Variants in AGBL1 observed in about 807,000 individuals in gnomAD.
AGBL1 encodes cytosolic carboxypeptidase 4.
AGBL1 carries 130 observed loss-of-function variants against 118.9 expected under a neutral mutation model. The ratio of observed to expected loss-of-function variants is 1.09; its 90% CI spans 0.95 to 1.26. The LOEUF is 1.26. Ranked by LOEUF, AGBL1 falls within the 50% of genes most tolerant of loss-of-function variation. AGBL1 has a pLI of 0.00. For synonymous variants in AGBL1, 555 were observed against 478.9 expected, an observed-to-expected ratio of 1.16 and a Z score of -2.08; for missense variants, 1,584 against 1,298.1, an observed-to-expected ratio of 1.22 and a Z score of -3.38.
intron 18 of AGBL1, among the ~76,000 whole-genome samples, chr15:86,495,316 G>A (rs1048123996): frequency 1.5e-4 from 23 of 149,928 alleles, no homozygotes; most frequent in African/African-American, 5.1e-4. Flanking sequence ...AAAACAAAAC[G>A]AAACTCTAAT....
chr15:86,384,982 G>A (rs186832090), intron 17 of AGBL1, among the ~76,000 whole-genome samples: 3 of 152,276 alleles, frequency 2.0e-5, no homozygotes, highest in Admixed American at 6.5e-5. Context: ...ACTATTCAGC[G>A]TGGTGAGGGG....
At chr15:86,808,097 G>A (rs770423241) in intron 22 of AGBL1, among the ~76,000 whole-genome samples, 6 of 152,084 alleles carry the variant, frequency 3.9e-5, no homozygotes, top group Non-Finnish European at 7.4e-5. Flanking sequence ...TATTAGATGT[G>A]ATTTCCCTCC....
intron 21 of AGBL1, among the ~76,000 whole-genome samples, chr15:86,640,329 A>G (rs1272815102): frequency 1.3e-5 from 2 of 152,200 alleles, no homozygotes; most frequent in East Asian, 1.9e-4. Context: ...TGTTACTTAC[A>G]CTTTCTGATT....
intron 5 of AGBL1, among the ~76,000 whole-genome samples, chr15:86,174,114 T>C (rs1167800866): frequency 6.6e-6 from 1 of 152,140 alleles, no homozygotes; most frequent in Non-Finnish European, 1.5e-5. Flanking sequence ...GTTTGTGTCC[T>C]TTTCAATTTC....
intron 17 of AGBL1, among the ~76,000 whole-genome samples, chr15:86,395,134 C>T (rs1046030149): frequency 6.6e-6 from 1 of 152,082 alleles, no homozygotes; most frequent in Non-Finnish European, 1.5e-5. Context: ...TTGAGAATGT[C>T]TGATCTACAG....
chr15:86,854,988 T>C (rs552330675), intron 22 of AGBL1, among the ~76,000 whole-genome samples: 1 of 152,296 alleles, frequency 6.6e-6, no homozygotes, highest in African/African-American at 2.4e-5. Flanking sequence ...CCTAGTTTAG[T>C]GGCCCATCTG....
chr15:86,298,550 T>A (rs2079694750), intron 17 of AGBL1, among the ~76,000 whole-genome samples: 1 of 151,902 alleles, frequency 6.6e-6, no homozygotes, highest in African/African-American at 2.4e-5. Context: ...GATGTATTGA[T>A]TCAGGAGAAA....
intron 5 of AGBL1, among the ~76,000 whole-genome samples, chr15:86,185,137 C>T (rs1308018850): frequency 1.3e-5 from 2 of 152,100 alleles, no homozygotes; most frequent in Non-Finnish European, 2.9e-5. Flanking sequence ...TTTATGCAGC[C>T]AACAGACACA....
intron 17 of AGBL1, among the ~76,000 whole-genome samples, chr15:86,369,849 CA>C (rs1433461847): frequency 6.6e-6 from 1 of 151,978 alleles, no homozygotes; most frequent in Non-Finnish European, 1.5e-5. Context: ...ACCAACAGAA[CA>C]AAAACAGAAT....
intron 17 of AGBL1, among the ~76,000 whole-genome samples, chr15:86,310,501 C>T (rs1383026590): frequency 1.3e-5 from 2 of 152,200 alleles, no homozygotes; most frequent in South Asian, 2.1e-4. Flanking sequence ...CCTGGATTCA[C>T]TGAGGGGAGC....
intron 22 of AGBL1, among the ~76,000 whole-genome samples, chr15:86,780,572 G>A (rs2078321589): frequency 6.6e-6 from 1 of 152,000 alleles, no homozygotes; most frequent in Admixed American, 6.6e-5. Flanking sequence ...ATCAATTTGG[G>A]GGAAGATTTG....
At chr15:86,251,835 A>G (rs1184724567) in intron 7 of AGBL1, among the ~76,000 whole-genome samples, 2 of 151,994 alleles carry the variant, frequency 1.3e-5, no homozygotes, top group African/African-American at 4.8e-5. Flanking sequence ...AAAAAAAAGA[A>G]CTCCTACAAG....
chr15:86,731,341 T>C (rs1388516420), intron 22 of AGBL1, among the ~76,000 whole-genome samples: 1 of 152,208 alleles, frequency 6.6e-6, no homozygotes, highest in African/African-American at 2.4e-5. Context: ...TACTCTCATA[T>C]GCACATCCAA....
chr15:86,732,995 T>C (rs1421821579), intron 22 of AGBL1, among the ~76,000 whole-genome samples: 2 of 148,996 alleles, frequency 1.3e-5, no homozygotes, highest in Non-Finnish European at 3.0e-5. Flanking sequence ...GATGGCTATA[T>C]ATCTTATATA....
intron 23 of AGBL1, among the ~76,000 whole-genome samples, chr15:86,944,653 T>C (rs2080794895): frequency 6.6e-6 from 1 of 152,212 alleles, no homozygotes; most frequent in Admixed American, 6.5e-5. Flanking sequence ...AGTACCTACA[T>C]AAGTAATCTG....
intron 22 of AGBL1, among the ~76,000 whole-genome samples, chr15:86,870,992 A>T (rs901745758): frequency 6.6e-6 from 1 of 152,176 alleles, no homozygotes; most frequent in African/African-American, 2.4e-5. Flanking sequence ...CCCAGCAACT[A>T]ACTGCTTAGG....
intron 18 of AGBL1, among the ~76,000 whole-genome samples, chr15:86,424,753 G>A (rs907073679): frequency 6.6e-6 from 1 of 152,138 alleles, no homozygotes; most frequent in African/African-American, 2.4e-5. Context: ...ATTTTTCAAA[G>A]GAAGATATTT....
chr15:86,448,040 G>C (rs2082145893), intron 18 of AGBL1, among the ~76,000 whole-genome samples: 1 of 152,140 alleles, frequency 6.6e-6, no homozygotes, highest in African/African-American at 2.4e-5. Flanking sequence ...AGCTGTTCCG[G>C]AGGGTGTGGT....
chr15:86,498,474 T>A (rs80250796), intron 18 of AGBL1, among the ~76,000 whole-genome samples: 1,568 of 152,050 alleles, frequency 0.01, 23 homozygotes, highest in African/African-American at 0.036. Flanking sequence ...GGCAAGAAAT[T>A]TGAACCAGAT....
Sources: allele counts gnomAD v4.1 joint callset (sites outside exome capture counted in the v4.1 genomes callset), GRCh38; gene constraint gnomAD v4.1.1; transcripts MANE v1.5; gene names NCBI Gene and HGNC (gene_info 2026-07-23, HGNC 2026-07-21).